The following DACT3 variants were observed in gnomAD, a reference collection of about 807,000 sequenced individuals.
The protein encoded by DACT3 is dishevelled binding antagonist of beta catenin 3.
Under a neutral mutation model 19.6 loss-of-function variants are expected in DACT3, and 5 were observed. That is an observed-to-expected ratio of 0.26 (90% CI 0.13 to 0.54). The LOEUF is 0.54. Among genes scored for constraint, DACT3 ranks in the 20% least tolerant of loss-of-function variants. DACT3 has a pLI of 0.95. For synonymous variants in DACT3, 454 were observed against 428.1 expected (o/e 1.06, Z -0.75); for missense variants, 908 against 927.4 (o/e 0.98, Z 0.27).
chr19:46,649,329 C>T lies in DACT3; in HGVS notation c.1043G>A (p.Ser348Asn), dbSNP rs1395312432. 1.6e-6 allele frequency: 2 copies of T among 1,239,038 alleles called. No homozygotes were observed. The highest frequency in any genetic ancestry group is 2.0e-6 in the Non-Finnish European group (2 of 988,784). The allele number at this position is 1,239,038 out of a possible 1,614,324, so 76.8% of individuals were successfully genotyped here. Residue 348 changes from serine (S) to asparagine (N), a missense_variant, in exon 4 of 4, where the codon AGC (serine) becomes AAC (asparagine). By Grantham distance (46) the Ser-to-Asn change is conservative. This residue lies in a region of DACT3 where 656 missense variants were observed against 601.8 expected (regional missense o/e 1.09). Transcript: ENST00000391916. The stretch of plus-strand genomic sequence containing the variant: ...CTTCACCAAGCGGCCCTCAGCCGGG[C>T]TGTCGGGGGGTGAGGGGGCGGCGGG... ...APPAAPSPPD[S>N]PAEGRLVKAQ...
Position 46,649,392 on chromosome 19 carries a change from G to A in DACT3, c.980C>T (p.Ser327Leu). 7.8e-7 allele frequency: 1 copy of A among 1,285,896 alleles called. No individual in the cohort carries two copies. The allele number at this position is 1,285,896 out of a possible 1,614,324, so 79.7% of individuals were successfully genotyped here. Residue 327 changes from serine (S) to leucine (L), a missense_variant, in exon 4 of 4, where the codon TCG becomes TTG. Around this residue, in one of 2 missense-constraint regions of DACT3, gnomAD observed 656 missense variants for 601.8 expected, o/e 1.09. Coordinates refer to ENST00000391916, the MANE Select transcript of DACT3 (RefSeq NM_145056.3). ...CTCGGGTGCCGCCTCCGACTCCCACGACGACGCCCAGGCGCGGCTCAAGGC... is the reference window on the plus strand; with the variant it reads ...CTCGGGTGCCGCCTCCGACTCCCACAACGACGCCCAGGCGCGGCTCAAGGC... ...PAALSRAWAS[S>L]WESEAAPEPA...
At chr19:46,651,682 GT>G in intron 3 of DACT3, 2 of 153,016 alleles carry the variant, frequency 1.3e-5, no homozygotes, top group Non-Finnish European at 2.9e-5. Flanking sequence ...GTGTGTGTGT[GT>G]GTGTGTGTGG....
Position 46,654,776 on chromosome 19 carries a change from T to C in DACT3, c.250-1701A>G, listed in dbSNP as rs2053019884. ...GTTTGGGAGGGCAGGCACCCAACCC[T>C]GCCTATTTAGGGCAGAAAGACTGGC... On this transcript the variant is annotated intron_variant, in intron 1 of 3. Coordinates refer to ENST00000391916, the MANE Select transcript of DACT3 (RefSeq NM_145056.3). The C allele has an allele frequency of 3.0e-6, 3 of 985,262 alleles. No homozygotes were observed. In the South Asian group the frequency reaches 1.4e-4, roughly 46 times the overall value. 61.0% of individuals were successfully genotyped at this position (985,262 alleles called of 1,614,324 possible). A position where few individuals can be genotyped will look rare whatever the true frequency, so the allele number is the denominator to read the frequency against.
At chr19:46,650,045 C>T in intron 3 of DACT3, 173 bp from the exon 4 acceptor site, 1 of 738,322 alleles carries the variant, frequency 1.4e-6, no homozygotes, top group Non-Finnish European at 1.8e-6. Context: ...ATAATAAAAT[C>T]TTTACAGGGT....
chr19:46,659,562 G>C, intron 1 of DACT3: 1 of 495,172 alleles, frequency 2.0e-6, no homozygotes, highest in Non-Finnish European at 2.6e-6. Flanking sequence ...AGCTGTTTCT[G>C]TTTCCAGAAA....
At chr19:46,651,644 TTG>T (rs10600060) in intron 3 of DACT3, 16,059 of 134,536 alleles carry the variant, frequency 0.12, 916 homozygotes, top group Admixed American at 0.18. Context: ...CAGGCACTGT[TTG>T]TGTGTGTGTG....
At position 46,661,154 on chromosome 19, in the gene DACT3, C is replaced by CCGCT. The variant is rs2053073593; in HGVS notation, c.-94_-91dup. On this transcript the variant is annotated 5_prime_UTR_variant, in exon 1 of 4. Coordinates refer to ENST00000391916, the MANE Select transcript of DACT3 (RefSeq NM_145056.3). The stretch of plus-strand genomic sequence containing the variant: ...CCGCCCCAGCAGCCTGCCCGCCCGC[C>CCGCT]CGCTGGCCGGGCTGTCACCGTCTCA... The CCGCT allele has an allele frequency of 7.8e-7, 1 of 1,278,514 alleles. No homozygotes were observed. Among genetic ancestry groups the CCGCT allele is most frequent in the African/African-American group, 1.6e-5 (1 of 62,374 alleles). 79.2% of individuals were successfully genotyped at this position (1,278,514 alleles called of 1,614,324 possible).
intron 1 of DACT3, among the ~76,000 whole-genome samples, chr19:46,656,365 T>C (rs570485656): frequency 1.1e-4 from 16 of 152,142 alleles, no homozygotes; most frequent in African/African-American, 3.9e-4. Flanking sequence ...TATTTTATTT[T>C]TGAGACAAGG....
Position 46,660,450 on chromosome 19 carries a change from T to G in DACT3, c.249+366A>C. 1 of 217,634 alleles carries G rather than the reference T, an allele frequency of 4.6e-6. No homozygotes were observed. Among genetic ancestry groups the G allele is most frequent in the Non-Finnish European group, 9.1e-6 (1 of 109,726 alleles). 13.5% of individuals were successfully genotyped at this position (217,634 alleles called of 1,614,324 possible). On this transcript the variant is annotated intron_variant, in intron 1 of 3. Transcript: ENST00000391916. The surrounding 1 kb of genome is among the most constrained non-coding windows in gnomAD (Gnocchi z 4.9). ...CTCTGAGCCTCAATTTGTTTCTCTG[T>G]TAAATGGGGACTATCACCCCGTTTC...
At chr19:46,652,596 T>C (rs2052996392) in intron 3 of DACT3, 64 bp downstream of exon 3, 1 of 1,497,430 alleles carries the variant, frequency 6.7e-7, no homozygotes, top group African/African-American at 1.4e-5. Flanking sequence ...CGGAAGTCTG[T>C]GCCCACAACC....
At chr19:46,655,925 C>CTCTCTCTCTCTCTATATATATATATATA (rs980735397) in intron 1 of DACT3, among the ~76,000 whole-genome samples, 2 of 137,898 alleles carry the variant, frequency 1.5e-5, no homozygotes, top group African/African-American at 5.3e-5. Context: ...CTCTCTCTCT[C>CTCTCTCTCTCTCTATATATATATATATA]TATATATATA....
Position 46,649,428 on chromosome 19 carries a change from G to T in DACT3, c.944C>A (p.Thr315Asn). The part of the protein sequence containing the change: ...PSLERVGGHP[T>N]SPAALSRAWA... ...GGCGCGGCTCAAGGCGGCAGGGCTG[G>T]TGGGGTGGCCCCCGACGCGCTCCAA... Residue 315 changes from threonine to asparagine, a missense_variant, in exon 4 of 4, where the codon ACC becomes AAC. This residue lies in a region of DACT3 where 656 missense variants were observed against 601.8 expected (regional missense o/e 1.09). Coordinates refer to ENST00000391916, the MANE Select transcript of DACT3 (RefSeq NM_145056.3). 7.9e-7 allele frequency: 1 copy of T among 1,267,210 alleles called. No individual in the cohort carries two copies. The highest frequency in any genetic ancestry group is 1.0e-6 in the Non-Finnish European group (1 of 996,834). The allele number at this position is 1,267,210 out of a possible 1,614,324, so 78.5% of individuals were successfully genotyped here. A position where few individuals can be genotyped will look rare whatever the true frequency, so the allele number is the denominator to read the frequency against.
chr19:46,659,329 G>A (rs1388743664), intron 1 of DACT3: 82 of 947,470 alleles, frequency 8.7e-5, no homozygotes, highest in Middle Eastern at 1.1e-3. Context: ...CGAGGAGAGG[G>A]AGACTGAAGG....
intron 3 of DACT3, 22 bp from the exon 4 acceptor site, chr19:46,649,894 A>T: frequency 7.5e-7 from 1 of 1,340,534 alleles, no homozygotes; most frequent in Non-Finnish European, 9.6e-7. Flanking sequence ...AGGCCAAAAA[A>T]AAAAAAAAAA....
intron 3 of DACT3, chr19:46,652,243 G>C (rs2052992777): frequency 5.0e-6 from 1 of 201,778 alleles, no homozygotes; most frequent in Non-Finnish European, 9.9e-6. Context: ...ACCCAGACTG[G>C]AGGGCAGTGG....
chr19:46,656,057 ATTTAT>A lies in DACT3; in HGVS notation c.250-2987_250-2983del, dbSNP rs779253693. On this transcript the variant is annotated intron_variant, in intron 1 of 3. Transcript: ENST00000391916. ...ATATATGAAATTTATTTATTTATTTATTTATTTATTTATTTATTTTTGAGATGGAA... is the reference window on the plus strand; with the variant it reads ...ATATATGAAATTTATTTATTTATTTATTATTTATTTATTTTTGAGATGGAA... Among the ~76,000 whole-genome samples the A allele has an allele frequency of 1.2e-4, 18 of 148,818 alleles. No individual in the cohort carries two copies. The South Asian group carries it at 3.6e-3, about 30-fold the overall frequency.
intron 1 of DACT3, chr19:46,654,257 C>T (rs367561783): frequency 3.5e-5 from 34 of 959,232 alleles, no homozygotes; most frequent in Admixed American, 1.2e-4. Context: ...GAGGCCGAGG[C>T]GGGCGGATCA....
At chr19:46,655,068 C>A in intron 1 of DACT3, 1 of 985,398 alleles carries the variant, frequency 1.0e-6, no homozygotes, top group South Asian at 4.7e-5. Flanking sequence ...TACCCCATGT[C>A]ACGTCCGTCA....
chr19:46,648,316 GGTGGGGGA>G lies in DACT3; in HGVS notation c.*158_*165del. 8.8e-7 allele frequency: 1 copy of G among 1,134,792 alleles called. No individual in the cohort carries two copies. The highest frequency in any genetic ancestry group is 1.5e-5 in the South Asian group (1 of 64,894). 70.3% of individuals were successfully genotyped at this position (1,134,792 alleles called of 1,614,324 possible). ...GCTCCTCCCCATTCCTCTCGGTGGT[GGTGGGGGA>G]GCCTTTTCAACCAAGACTGTTAGGA... is the stretch of plus-strand genomic sequence containing the variant. On this transcript the variant is annotated 3_prime_UTR_variant, in exon 4 of 4. Coordinates refer to ENST00000391916, the MANE Select transcript of DACT3 (RefSeq NM_145056.3). This position sits in a 1 kb window ranked among gnomAD's most constrained non-coding sequence, Gnocchi z 5.1.
Sources: allele counts gnomAD v4.1 joint callset (sites outside exome capture counted in the v4.1 genomes callset), GRCh38; gene constraint gnomAD v4.1.1; regional missense constraint gnomAD v4.1.1; non-coding constraint Gnocchi (gnomAD v3.1); transcripts MANE v1.5; gene names NCBI Gene and HGNC (gene_info 2026-07-23, HGNC 2026-07-21).